EXOC4: variants seen among roughly 807,000 people sequenced by gnomAD.
EXOC4 encodes exocyst complex component 4.
A neutral mutation model predicts 107.2 loss-of-function variants in EXOC4; 71 were observed. The ratio of observed to expected loss-of-function variants is 0.66; its 90% CI spans 0.55 to 0.81. The LOEUF is 0.81. Among genes scored for constraint, EXOC4 ranks in the 30% least tolerant of loss-of-function variants. The pLI, the probability that EXOC4 is intolerant of heterozygous loss-of-function variation, is 0.00. For missense variants in EXOC4, 1,108 were observed against 1,189.6 expected, an observed-to-expected ratio of 0.93 and a Z score of 1.01; for synonymous variants, 456 against 441.2, an observed-to-expected ratio of 1.03 and a Z score of -0.42.
At chr7:133,788,482 A>G (rs936720314) in intron 10 of EXOC4, among the ~76,000 whole-genome samples, 2 of 151,760 alleles carry the variant, frequency 1.3e-5, no homozygotes, top group Non-Finnish European at 2.9e-5. Flanking sequence ...TCTTTATGTC[A>G]TGCTCAAAAC....
intron 10 of EXOC4, among the ~76,000 whole-genome samples, chr7:133,762,203 G>T (rs188161745): frequency 6.6e-6 from 1 of 152,234 alleles, no homozygotes; most frequent in East Asian, 1.9e-4. Flanking sequence ...GAGTGATACA[G>T]CTTCAGAATC....
chr7:134,059,588 G>A (rs1796008855), intron 17 of EXOC4, among the ~76,000 whole-genome samples: 1 of 152,092 alleles, frequency 6.6e-6, no homozygotes, highest in South Asian at 2.1e-4. Context: ...AAGCAACTTG[G>A]CAGCATTGTC....
At chr7:133,774,583 G>C (rs1283460728) in intron 10 of EXOC4, among the ~76,000 whole-genome samples, 4 of 151,812 alleles carry the variant, frequency 2.6e-5, no homozygotes, top group Non-Finnish European at 5.9e-5. Flanking sequence ...GTGAAGCATA[G>C]AAAGTTCAAG....
At chr7:133,663,130 G>T (rs1165760726) in intron 10 of EXOC4, among the ~76,000 whole-genome samples, 5 of 152,114 alleles carry the variant, frequency 3.3e-5, no homozygotes, top group African/African-American at 1.2e-4. Context: ...ATTCTGACTT[G>T]TTGCTAAATC....
At chr7:133,862,357 G>T (rs979731427) in intron 11 of EXOC4, among the ~76,000 whole-genome samples, 4 of 151,850 alleles carry the variant, frequency 2.6e-5, no homozygotes, top group Non-Finnish European at 5.9e-5. Context: ...AGGTGGTGGC[G>T]CATGCCTCCC....
At chr7:133,994,615 A>G (rs1794340513) in intron 14 of EXOC4, among the ~76,000 whole-genome samples, 1 of 152,202 alleles carries the variant, frequency 6.6e-6, no homozygotes. Context: ...GTATTAGGAA[A>G]ACAGCTCAAA....
chr7:134,049,040 GGTGT>G (rs1254033640), intron 17 of EXOC4, among the ~76,000 whole-genome samples: 2 of 151,958 alleles, frequency 1.3e-5, no homozygotes, highest in African/African-American at 4.8e-5. Context: ...CAGATTCCAG[GGTGT>G]ATGTAAACTG....
At chr7:133,685,074 T>C (rs1175712737) in intron 10 of EXOC4, among the ~76,000 whole-genome samples, 1 of 152,142 alleles carries the variant, frequency 6.6e-6, no homozygotes, top group Non-Finnish European at 1.5e-5. Flanking sequence ...GATAAAGTCT[T>C]CTAAAACATG....
intron 12 of EXOC4, among the ~76,000 whole-genome samples, chr7:133,904,339 C>T (rs1440467087): frequency 6.6e-6 from 1 of 152,112 alleles, no homozygotes; most frequent in Non-Finnish European, 1.5e-5. Flanking sequence ...TAGGCGGGAA[C>T]ATGGATAGTT....
intron 3 of EXOC4, among the ~76,000 whole-genome samples, chr7:133,298,466 A>G (rs1195135758): frequency 2.0e-5 from 3 of 152,130 alleles, no homozygotes; most frequent in Non-Finnish European, 2.9e-5. Flanking sequence ...GTTAAAAGAG[A>G]ATGGCTTTTC....
chr7:134,075,727 A>G, the EXOC4 span, among the ~76,000 whole-genome samples: 1 of 152,154 alleles, frequency 6.6e-6, no homozygotes, highest in East Asian at 1.9e-4. Context: ...GGGTGGTACC[A>G]TGGGATTAGG....
At chr7:133,696,920 A>C (rs1288870472) in intron 10 of EXOC4, among the ~76,000 whole-genome samples, 1 of 152,190 alleles carries the variant, frequency 6.6e-6, no homozygotes. Flanking sequence ...CAATTAGTCA[A>C]TCATGTGCAA....
chr7:134,036,699 A>G (rs895686596), intron 17 of EXOC4, among the ~76,000 whole-genome samples: 2 of 152,328 alleles, frequency 1.3e-5, no homozygotes, highest in South Asian at 2.1e-4. Context: ...CTGCAAATCT[A>G]TAGATTTTAC....
intron 10 of EXOC4, among the ~76,000 whole-genome samples, chr7:133,784,091 A>G (rs975949317): frequency 2.6e-5 from 4 of 152,304 alleles, no homozygotes; most frequent in East Asian, 1.9e-4. Context: ...AATAATTCTA[A>G]TCAATTAAAA....
At chr7:133,739,874 C>T (rs762468990) in intron 10 of EXOC4, among the ~76,000 whole-genome samples, 49 of 152,136 alleles carry the variant, frequency 3.2e-4, no homozygotes, top group Non-Finnish European at 6.5e-4. Context: ...TCTCATAATA[C>T]CTGGATGATG....
At chr7:133,369,544 C>T (rs1271422904) in intron 6 of EXOC4, among the ~76,000 whole-genome samples, 1 of 152,074 alleles carries the variant, frequency 6.6e-6, no homozygotes, top group Non-Finnish European at 1.5e-5. Context: ...TTCCTTCTTC[C>T]TCTCTAGTTA....
intron 10 of EXOC4, among the ~76,000 whole-genome samples, chr7:133,638,708 TG>T (rs1563135936): frequency 2.0e-5 from 3 of 152,156 alleles, no homozygotes; most frequent in Non-Finnish European, 4.4e-5. Context: ...ACTCTTCCAG[TG>T]ACTGTTAAAG....
chr7:133,374,705 A>G (rs985198855), intron 6 of EXOC4, 123 bp from the exon 7 acceptor site: 8 of 735,050 alleles, frequency 1.1e-5, no homozygotes, highest in African/African-American at 1.1e-4. Context: ...GCTGAAATCT[A>G]ACGTTAATGC....
At chr7:133,266,033 G>C (rs1376725742) in intron 1 of EXOC4, among the ~76,000 whole-genome samples, 1 of 152,174 alleles carries the variant, frequency 6.6e-6, no homozygotes, top group East Asian at 1.9e-4. Flanking sequence ...TGCTTGGGCT[G>C]CCATAACAAA....
Sources: allele counts gnomAD v4.1 joint callset (sites outside exome capture counted in the v4.1 genomes callset), GRCh38; gene constraint gnomAD v4.1.1; transcripts MANE v1.5; gene names NCBI Gene and HGNC (gene_info 2026-07-23, HGNC 2026-07-21).